The following BACE1-AS variants were observed in gnomAD, a reference collection of about 807,000 sequenced individuals.
The protein encoded by BACE1-AS is BACE1 antisense RNA (non-protein coding).
chr11:117,292,113 TGGG>T (rs2034457233), intron 2 of BACE1-AS: 1 of 179,160 alleles, frequency 5.6e-6, no homozygotes, highest in African/African-American at 2.4e-5. Flanking sequence ...TTGTTAATCT[TGGG>T]TGGGCAGGTA....
chr11:117,291,930 T>C (rs2034451731), intron 2 of BACE1-AS: 1 of 633,056 alleles, frequency 1.6e-6, no homozygotes, highest in African/African-American at 1.8e-5. Flanking sequence ...TGGCACCTCC[T>C]AAGTGTACCT....
At chr11:117,291,350 C>T (rs1372983820) in intron 1 of BACE1-AS, among the ~76,000 whole-genome samples, 2 of 151,432 alleles carry the variant, frequency 1.3e-5, no homozygotes, top group Non-Finnish European at 2.9e-5. Context: ...AATCATGGCT[C>T]ACCGCAACCT....
At chr11:117,292,082 G>C (rs751644893) in intron 2 of BACE1-AS, 47 of 215,108 alleles carry the variant, frequency 2.2e-4, no homozygotes, top group Non-Finnish European at 3.7e-4. Context: ...CAGAGAGAAG[G>C]CACTTGGTAA....
At chr11:117,291,561 C>T (rs997348058) in intron 1 of BACE1-AS, 3 of 558,902 alleles carry the variant, frequency 5.4e-6, no homozygotes, top group East Asian at 3.4e-5. Flanking sequence ...CAGGCGTGAG[C>T]CACCACGCCT....
rs562442754 is a variant in BACE1-AS at position 117,291,805 on chromosome 11, A to G, written n.125+34A>G. 3.2e-5 allele frequency: 52 copies of G among 1,610,086 alleles called. No individual in the cohort carries two copies. The South Asian group carries it at 5.6e-4, about 17-fold the overall frequency. ...TGCCACTGTCCACAATGCTCTTGTC[A>G]TAGTTGTACTAAGAGGGAAAAGAGA... On this transcript the variant is annotated intron_variant and non_coding_transcript_variant, in intron 2 of 3. Transcript: ENST00000614401.
At chr11:117,291,353 C>G (rs931826671) in intron 1 of BACE1-AS, among the ~76,000 whole-genome samples, 1 of 151,772 alleles carries the variant, frequency 6.6e-6, no homozygotes, top group African/African-American at 2.4e-5. Flanking sequence ...CATGGCTCAC[C>G]GCAACCTCCA....
At chr11:117,291,386 T>C (rs1211304596) in intron 1 of BACE1-AS, among the ~76,000 whole-genome samples, 2 of 151,902 alleles carry the variant, frequency 1.3e-5, no homozygotes, top group African/African-American at 4.8e-5. Context: ...AAAGTGATTC[T>C]CCTGTCTCAG....
intron 1 of BACE1-AS, chr11:117,291,692 C>T: frequency 6.4e-7 from 1 of 1,569,578 alleles, no homozygotes; most frequent in Non-Finnish European, 8.8e-7. Context: ...CTCTTTTACC[C>T]CCATCCTTAG....
Position 117,291,738 on chromosome 11 carries a change from C to G in BACE1-AS, n.92C>G, listed in dbSNP as rs767280509. On this transcript the variant is annotated non_coding_transcript_exon_variant, in exon 2 of 4. Coordinates refer to ENST00000614401, the Ensembl canonical transcript of BACE1-AS. ...GAGGAGGCTGCCTTGATGGATTTGA[C>G]TGCAGCTTCAAACACTTTCTTGGGC... 2 of 1,613,396 alleles carry G rather than the reference C, an allele frequency of 1.2e-6. No individual in the cohort carries two copies. Among genetic ancestry groups the G allele is most frequent in the African/African-American group, 2.7e-5 (2 of 74,910 alleles).
intron 2 of BACE1-AS, chr11:117,291,991 G>A (rs2034453188): frequency 4.3e-6 from 2 of 467,884 alleles, no homozygotes; most frequent in Non-Finnish European, 3.9e-6. Flanking sequence ...CTAAAGTGAG[G>A]ATAAAAATAG....
chr11:117,292,093 AT>A (rs1031910644), intron 2 of BACE1-AS: 2 of 198,474 alleles, frequency 1.0e-5, no homozygotes, highest in African/African-American at 4.6e-5. Context: ...CACTTGGTAA[AT>A]GTTTATTCTT....
At chr11:117,291,694 C>T (rs917696892) in intron 1 of BACE1-AS, 1 of 1,575,092 alleles carries the variant, frequency 6.3e-7, no homozygotes, top group African/African-American at 1.4e-5. Context: ...CTTTTACCCC[C>T]ATCCTTAGTC....
intron 1 of BACE1-AS, chr11:117,291,655 C>A: frequency 1.6e-6 from 2 of 1,284,002 alleles, no homozygotes; most frequent in South Asian, 1.2e-5. Context: ...ATGTGACTCT[C>A]ACCGCCTCCC....
chr11:117,291,740 G>A, exon 2 of BACE1-AS: 1 of 1,613,322 alleles, frequency 6.2e-7, no homozygotes, highest in Non-Finnish European at 8.5e-7. Flanking sequence ...GGATTTGACT[G>A]CAGCTTCAAA....
chr11:117,291,729 T>C lies in BACE1-AS; in HGVS notation n.83T>C, dbSNP rs774018648. The C allele has an allele frequency of 1.9e-6, 3 of 1,613,110 alleles. No individual in the cohort carries two copies. In the Admixed American group the frequency reaches 5.0e-5, roughly 27 times the overall value. On this transcript the variant is annotated non_coding_transcript_exon_variant, in exon 2 of 4. Coordinates refer to ENST00000614401, the Ensembl canonical transcript of BACE1-AS. ...CCACTCACGGAGGAGGCTGCCTTGA[T>C]GGATTTGACTGCAGCTTCAAACACT... is the stretch of plus-strand genomic sequence containing the variant.
intron 2 of BACE1-AS, chr11:117,291,889 T>C (rs2034450343): frequency 1.0e-5 from 12 of 1,150,938 alleles, no homozygotes; most frequent in Non-Finnish European, 1.6e-5. Context: ...GGGTTACTGC[T>C]GGGGCCCCAG....
chr11:117,291,431 C>T (rs368580251), intron 1 of BACE1-AS, among the ~76,000 whole-genome samples: 1 of 152,172 alleles, frequency 6.6e-6, no homozygotes, highest in South Asian at 2.1e-4. Context: ...GCGTGCGCCA[C>T]CACACCCAGC....
chr11:117,291,804 C>G, intron 2 of BACE1-AS: 2 of 1,610,322 alleles, frequency 1.2e-6, no homozygotes, highest in Non-Finnish European at 1.7e-6. Flanking sequence ...ATGCTCTTGT[C>G]ATAGTTGTAC....
chr11:117,291,712 G>A (rs748797299), exon 2 of BACE1-AS: 13 of 1,609,838 alleles, frequency 8.1e-6, no homozygotes, highest in Admixed American at 6.7e-5. Context: ...GTCCACTCAC[G>A]GAGGAGGCTG....
Sources: allele counts gnomAD v4.1 joint callset (sites outside exome capture counted in the v4.1 genomes callset), GRCh38; gene constraint gnomAD v4.1.1; transcripts MANE v1.5; gene names NCBI Gene and HGNC (gene_info 2026-07-23, HGNC 2026-07-21).